ZSWIM3: variants seen among roughly 807,000 people sequenced by gnomAD.
ZSWIM3 encodes zinc finger SWIM domain-containing protein 3.
In ZSWIM3, 27 loss-of-function variants were observed where a neutral mutation model predicts 47.5. That is an observed-to-expected ratio of 0.57 (90% CI 0.42 to 0.78). ZSWIM3 has a LOEUF of 0.78. Among genes scored for constraint, ZSWIM3 ranks in the 30% least tolerant of loss-of-function variants. The pLI is 0.00. For missense variants in ZSWIM3, 689 were observed against 861.3 expected, an observed-to-expected ratio of 0.80 and a Z score of 2.50; for synonymous variants, 333 against 333.9, an observed-to-expected ratio of 1.00 and a Z score of 0.03.
At chr20:45,865,570 G>T (rs1451346739) in intron 1 of ZSWIM3, among the ~76,000 whole-genome samples, 1 of 125,806 alleles carries the variant, frequency 7.9e-6, no homozygotes, top group Non-Finnish European at 1.9e-5. Context: ...TCTTTTTCTG[G>T]AAAAGCTGGC....
At chr20:45,869,467 C>G (rs544859429) in intron 1 of ZSWIM3, among the ~76,000 whole-genome samples, 1 of 151,294 alleles carries the variant, frequency 6.6e-6, no homozygotes, top group African/African-American at 2.4e-5. Flanking sequence ...TGCAGTGAGG[C>G]GAGATCATGC....
chr20:45,875,019 G>A (rs1054399270), intron 1 of ZSWIM3, among the ~76,000 whole-genome samples: 1 of 150,512 alleles, frequency 6.6e-6, no homozygotes, highest in African/African-American at 2.4e-5. Flanking sequence ...TGATTTGGGG[G>A]GGGTTTTAAT....
At chr20:45,860,050 G>C (rs1480001210) in intron 1 of ZSWIM3, among the ~76,000 whole-genome samples, 2 of 152,148 alleles carry the variant, frequency 1.3e-5, no homozygotes, top group African/African-American at 4.8e-5. Context: ...GCTGTCAGAA[G>C]GTGTATTGGT....
chr20:45,866,047 G>A (rs942015014), intron 1 of ZSWIM3, among the ~76,000 whole-genome samples: 1 of 151,202 alleles, frequency 6.6e-6, no homozygotes, highest in African/African-American at 2.4e-5. Flanking sequence ...GGGCATGCCT[G>A]TTATCCCAGC....
At chr20:45,868,655 T>C (rs138707922) in intron 1 of ZSWIM3, among the ~76,000 whole-genome samples, 8,566 of 151,910 alleles carry the variant, frequency 0.056, 284 homozygotes, top group South Asian at 0.13. Flanking sequence ...AGTGTTGGGA[T>C]TACAGGCATG....
intron 1 of ZSWIM3, among the ~76,000 whole-genome samples, chr20:45,861,812 G>C (rs1367670371): frequency 6.6e-6 from 1 of 151,722 alleles, no homozygotes; most frequent in African/African-American, 2.4e-5. Context: ...TGAACTCCTA[G>C]GCTCAAGCTG....
At chr20:45,873,818 C>G (rs1249672337) in intron 1 of ZSWIM3, among the ~76,000 whole-genome samples, 1 of 152,178 alleles carries the variant, frequency 6.6e-6, no homozygotes, top group Non-Finnish European at 1.5e-5. Flanking sequence ...ATCTGCTAAG[C>G]CTTATAGATA....
Position 45,878,027 on chromosome 20 carries a change from C to T in ZSWIM3, c.1469C>T (p.Ser490Leu), listed in dbSNP as rs200050408. Residue 490 changes from serine (S) to leucine (L), a missense_variant, in exon 2 of 2, where the codon TCG becomes TTG. Coordinates refer to ENST00000255152, the MANE Select transcript of ZSWIM3 (RefSeq NM_080752.4). ...CAGCAGCAGTCACAAGTGCCGCCCT[C>T]GCAGGTTGGCATGCTGGACACCTTG... ...QVQQQSQVPP[S>L]QVGMLDTLHQ... The T allele has an allele frequency of 2.0e-5, 32 of 1,614,120 alleles. No homozygotes were observed. Among genetic ancestry groups the T allele is most frequent in the Middle Eastern group, 3.3e-4 (2 of 6,062 alleles).
chr20:45,868,124 G>C (rs1238820753), intron 1 of ZSWIM3, among the ~76,000 whole-genome samples: 1 of 152,152 alleles, frequency 6.6e-6, no homozygotes, highest in Non-Finnish European at 1.5e-5. Context: ...TAAGCATCAA[G>C]GTAATGCAAA....
intron 1 of ZSWIM3, among the ~76,000 whole-genome samples, chr20:45,869,582 A>T (rs945564500): frequency 2.0e-5 from 3 of 151,752 alleles, no homozygotes; most frequent in Admixed American, 6.6e-5. Flanking sequence ...GAAAACCCTG[A>T]CTCAAAATGG....
intron 1 of ZSWIM3, 94 bp downstream of exon 1, chr20:45,858,074 A>C: frequency 2.2e-6 from 3 of 1,364,336 alleles, no homozygotes; most frequent in Admixed American, 4.2e-5. Flanking sequence ...ATAGGCACGC[A>C]TTGGGCTGCG....
intron 1 of ZSWIM3, among the ~76,000 whole-genome samples, chr20:45,866,462 C>T (rs1985844784): frequency 6.6e-6 from 1 of 152,040 alleles, no homozygotes; most frequent in Non-Finnish European, 1.5e-5. Flanking sequence ...CAAAACTTAA[C>T]CTCTTGACAC....
intron 1 of ZSWIM3, among the ~76,000 whole-genome samples, chr20:45,871,679 A>G (rs1985975873): frequency 6.6e-6 from 1 of 150,790 alleles, no homozygotes; most frequent in African/African-American, 2.4e-5. Context: ...GTGAAACCCC[A>G]TCTCTACTAA....
At position 45,876,714 on chromosome 20, in the gene ZSWIM3, G is replaced by T; in HGVS notation, c.156G>T (p.Leu52=). Residue 52 remains leucine (L), a splice_region_variant and synonymous_variant, in exon 2 of 2, where the codon CTG becomes CTT. Coordinates refer to ENST00000255152, the MANE Select transcript of ZSWIM3 (RefSeq NM_080752.4). ...TCATTGTTACCTCTACCTTCCCTAG[G>T]TATGTGCAGGTGAAATTTGTCTGCA... ...NHGTSIREDI[L]YVQVKFVCIR... The T allele has an allele frequency of 6.2e-7, 1 of 1,609,736 alleles. No homozygotes were observed. Among genetic ancestry groups the T allele is most frequent in the Non-Finnish European group, 8.5e-7 (1 of 1,177,476 alleles).
intron 1 of ZSWIM3, among the ~76,000 whole-genome samples, chr20:45,860,985 G>C (rs543382160): frequency 9.8e-5 from 15 of 152,330 alleles, no homozygotes; most frequent in South Asian, 2.1e-4. Context: ...GATGGGCTGG[G>C]CACGGTGGCT....
intron 1 of ZSWIM3, among the ~76,000 whole-genome samples, chr20:45,871,785 C>T (rs1164073278): frequency 6.7e-6 from 1 of 149,968 alleles, no homozygotes; most frequent in African/African-American, 2.5e-5. Context: ...TGCTTGAACC[C>T]AGGAGGCAGA....
chr20:45,878,458 G>A lies in ZSWIM3; in HGVS notation c.1900G>A (p.Glu634Lys), dbSNP rs759710196. The A allele has an allele frequency of 9.3e-6, 15 of 1,614,062 alleles. No individual in the cohort carries two copies. The highest frequency in any genetic ancestry group is 1.3e-5 in the African/African-American group (1 of 74,938). The change falls in exon 2 of 2, where the codon GAG (glutamate) becomes AAG (lysine). Residue 634 changes from glutamate to lysine, a missense_variant. Glu to Lys is a moderately conservative substitution (Grantham distance 56). Transcript: ENST00000255152. Reference sequence around the variant, plus strand: ...GTTAGCAAACCTGCTCATGCAGACCGAGGGGCCAGAGCTGGAGGAACGCTA... The same window carrying A: ...GTTAGCAAACCTGCTCATGCAGACCAAGGGGCCAGAGCTGGAGGAACGCTA... ...RELANLLMQT[E>K]GPELEERYST... is the part of the protein sequence containing the mutation.
At chr20:45,862,125 C>T (rs563259231) in intron 1 of ZSWIM3, among the ~76,000 whole-genome samples, 2 of 151,392 alleles carry the variant, frequency 1.3e-5, no homozygotes, top group South Asian at 4.2e-4. Flanking sequence ...GTCACCTCCA[C>T]TGCATTAGCT....
Position 45,878,261 on chromosome 20 carries a change from TG to T in ZSWIM3, c.1704del (p.His569ThrfsTer50), listed in dbSNP as rs1207262711. ...CCATGCCGACACATTTTGGCTCTGC[TG>T]CACACCAGCCAGCAGCCGGTTGGTG... ...HLPCRHILAL[L>X]HTSQQPVGEA... On this transcript the variant is annotated frameshift_variant, in exon 2 of 2. Coordinates refer to ENST00000255152, the MANE Select transcript of ZSWIM3 (RefSeq NM_080752.4). LOFTEE classifies it high-confidence loss of function. The T allele has an allele frequency of 6.2e-7, 1 of 1,614,088 alleles. No individual in the cohort carries two copies. The highest frequency in any genetic ancestry group is 1.3e-5 in the African/African-American group (1 of 74,928).
Sources: gnomAD v4.1 joint callset for allele counts (sites outside exome capture counted in the v4.1 genomes callset) on GRCh38, gnomAD v4.1.1 for gene constraint, MANE v1.5 for transcripts, NCBI Gene and HGNC (gene_info 2026-07-23, HGNC 2026-07-21) for gene names.